Variants in MEG3 observed in about 807,000 individuals in gnomAD.
The protein encoded by MEG3 is maternally expressed 3.
intron 3 of MEG3, chr14:100,846,254 C>T (rs527760932): frequency 8.5e-5 from 13 of 152,360 alleles, no homozygotes; most frequent in Admixed American, 8.5e-4. Context: ...ATTCTGGGGT[C>T]TTGAAACAGG....
At chr14:100,852,781 A>C (rs190799503), upstream of MEG3, 88 of 215,848 alleles carry the variant, frequency 4.1e-4, 3 homozygotes, top group South Asian at 5.3e-3. Context: ...GGAAGGAACA[A>C]GCGACGTTGG....
chr14:100,834,998 G>A (rs1308939204), exon 1 of MEG3: 10 of 363,896 alleles, frequency 2.7e-5, no homozygotes, highest in South Asian at 1.8e-4. Context: ...CTGGGCACCG[G>A]CCACCGTAGC....
rs1047291682 is a variant in MEG3 at position 100,837,627 on chromosome 14, G to A, written n.3045+1327G>A. Among the ~76,000 whole-genome samples the A allele has an allele frequency of 1.3e-5, 2 of 152,094 alleles. No individual in the cohort carries two copies. Among genetic ancestry groups the A allele is most frequent in the Non-Finnish European group, 2.9e-5 (2 of 68,010 alleles). ...GGCCCAGCCTCTAGTCCTCAGCCAT[G>A]TGCACGCATCAGCCCTTGTGCAGGC... On this transcript the variant is annotated intron_variant and non_coding_transcript_variant, in intron 2 of 3. Coordinates refer to the MEG3 transcript ENST00000398461. The surrounding 1 kb of genome is among the most constrained non-coding windows in gnomAD (Gnocchi z 5.8).
chr14:100,841,878 TCA>T (rs751105703), intron 2 of MEG3, among the ~76,000 whole-genome samples: 2 of 152,190 alleles, frequency 1.3e-5, no homozygotes, highest in Non-Finnish European at 2.9e-5. Flanking sequence ...CCCCCGTGGC[TCA>T]CCTTGTGCCT....
intron 2 of MEG3, among the ~76,000 whole-genome samples, chr14:100,839,606 G>C (rs78082521): frequency 6.6e-6 from 1 of 152,188 alleles, no homozygotes; most frequent in South Asian, 2.1e-4. Context: ...AAGGAAAGGG[G>C]AGCCACAGAA....
Position 100,834,925 on chromosome 14 carries a change from G to A in MEG3, n.1957G>A, listed in dbSNP as rs532708898. ...GCTGGTCGCGTCCCTGCATTCACCCGCGCGGCCATCCCGTCATCCAACAGT... is the reference window on the plus strand; with the variant it reads ...GCTGGTCGCGTCCCTGCATTCACCCACGCGGCCATCCCGTCATCCAACAGT... On this transcript the variant is annotated non_coding_transcript_exon_variant, in exon 1 of 4. Transcript: ENST00000398461. 3.4e-4 allele frequency: 139 copies of A among 408,366 alleles called. 1 individual carries two copies. The highest frequency in any genetic ancestry group is 1.3e-3 in the South Asian group (71 of 55,314). 25.3% of individuals were successfully genotyped at this position (408,366 alleles called of 1,614,324 possible).
At chr14:100,854,443 A>G (rs2038177885), upstream of MEG3, 1 of 152,082 alleles carries the variant, frequency 6.6e-6, no homozygotes, top group Non-Finnish European at 1.5e-5. Context: ...AGTGTTTAGG[A>G]GATTCTCATG....
chr14:100,859,755 T>A (rs2038350130), exon 1 of MEG3: 1 of 152,196 alleles, frequency 6.6e-6, no homozygotes, highest in Admixed American at 6.5e-5. Context: ...GTAGGTTACT[T>A]GAATCACCCT....
intron 2 of MEG3, among the ~76,000 whole-genome samples, chr14:100,841,486 G>A (rs146637989): frequency 1.3e-4 from 20 of 152,316 alleles, no homozygotes; most frequent in African/African-American, 4.8e-4. Context: ...GGACTTTGGG[G>A]GTCACTGGTC....
chr14:100,838,721 G>C (rs1399290939), intron 2 of MEG3, among the ~76,000 whole-genome samples: 3 of 152,092 alleles, frequency 2.0e-5, no homozygotes, highest in African/African-American at 7.2e-5. Context: ...CAAGTGTCAG[G>C]GTAAAGACGG....
intron 3 of MEG3, chr14:100,848,496 G>T (rs2037981306): frequency 6.6e-6 from 1 of 152,214 alleles, no homozygotes; most frequent in South Asian, 2.1e-4. Flanking sequence ...GATGAGGAGG[G>T]CATTGTAGAC....
At position 100,845,246 on chromosome 14, in the gene MEG3, C is replaced by T. The variant is rs1189548136; in HGVS notation, n.3046-212C>T. On this transcript the variant is annotated intron_variant and non_coding_transcript_variant, in intron 2 of 3. Coordinates refer to the MEG3 transcript ENST00000398461. The surrounding 1 kb of genome is among the most constrained non-coding windows in gnomAD (Gnocchi z 5.2). The stretch of plus-strand genomic sequence containing the variant: ...CCCAAGTCTGTTCCATGTCTCCACA[C>T]CTGCCCCTTCCGCTCCATAGGCAGC... Among the ~76,000 whole-genome samples the T allele has an allele frequency of 6.6e-6, 1 of 152,248 alleles. No individual in the cohort carries two copies. The highest frequency in any genetic ancestry group is 1.5e-5 in the Non-Finnish European group (1 of 68,042).
chr14:100,839,140 C>T (rs923015551), intron 2 of MEG3, among the ~76,000 whole-genome samples: 4 of 152,062 alleles, frequency 2.6e-5, no homozygotes, highest in African/African-American at 9.7e-5. Context: ...TGAATTTTTC[C>T]TTGCAAAGAG....
At chr14:100,834,519 G>A in exon 1 of MEG3, 1 of 360,840 alleles carries the variant, frequency 2.8e-6, no homozygotes, top group South Asian at 2.1e-5. Flanking sequence ...GCTCCCTTGA[G>A]TGTAGGGGCA....
intron 2 of MEG3, among the ~76,000 whole-genome samples, chr14:100,841,589 T>G (rs912231217): frequency 3.3e-5 from 5 of 152,158 alleles, no homozygotes; most frequent in African/African-American, 1.2e-4. Flanking sequence ...CAGCAGGCCC[T>G]GGAGGTGAAG....
intron 3 of MEG3, chr14:100,848,620 G>A (rs2037984589): frequency 6.6e-6 from 1 of 151,918 alleles, no homozygotes; most frequent in South Asian, 2.1e-4. Context: ...AAAAAAGGAA[G>A]TGAAAGAGAT....
chr14:100,826,797 C>A (rs1186049509), intron 1 of MEG3, among the ~76,000 whole-genome samples: 2 of 152,080 alleles, frequency 1.3e-5, no homozygotes, highest in Non-Finnish European at 1.5e-5. Flanking sequence ...GCAGTGTGGA[C>A]CCCAGGCAAA....
At chr14:100,843,219 C>G (rs908597619) in intron 2 of MEG3, among the ~76,000 whole-genome samples, 1 of 152,140 alleles carries the variant, frequency 6.6e-6, no homozygotes, top group Admixed American at 6.5e-5. Context: ...CTGATTTCTC[C>G]GCTCCTATTA....
chr14:100,836,873 C>T (rs1189528563), intron 2 of MEG3, among the ~76,000 whole-genome samples: 2 of 152,188 alleles, frequency 1.3e-5, no homozygotes, highest in East Asian at 1.9e-4. Flanking sequence ...TTCCTCACCC[C>T]TGAAATTGCA....
Sources: allele counts gnomAD v4.1 joint callset (sites outside exome capture counted in the v4.1 genomes callset), GRCh38; gene constraint gnomAD v4.1.1; non-coding constraint Gnocchi (gnomAD v3.1); transcripts MANE v1.5; gene names NCBI Gene and HGNC (gene_info 2026-07-23, HGNC 2026-07-21).